The following TASOR variants were observed in gnomAD, a reference collection of about 807,000 sequenced individuals.
TASOR encodes the protein protein TASOR.
Under a neutral mutation model 178.6 loss-of-function variants are expected in TASOR, and 53 were observed. The ratio of observed to expected loss-of-function variants is 0.30; its 90% confidence interval spans 0.24 to 0.37. The LOEUF is 0.37. Among genes scored for constraint, TASOR ranks in the 10% least tolerant of loss-of-function variants. The pLI is 1.00. For missense variants in TASOR, 1,815 were observed against 1,971.4 expected, an observed-to-expected ratio of 0.92 and a Z score of 1.50; for synonymous variants, 713 against 696.2, an observed-to-expected ratio of 1.02 and a Z score of -0.38.
intron 5 of TASOR, 30 bp from the exon 6 acceptor site, chr3:56,668,588 A>T: frequency 7.0e-7 from 1 of 1,434,692 alleles, no homozygotes; most frequent in Non-Finnish European, 9.4e-7. Flanking sequence ...TTAAGTGTCT[A>T]CCTAAACCTA....
At position 56,623,377 on chromosome 3, in the gene TASOR, CTG is replaced by C. The variant is rs1306636880; in HGVS notation, c.4671_4672del (p.Asn1557LysfsTer6). On this transcript the variant is annotated frameshift_variant, in exon 24 of 24. Transcript: ENST00000683822. LOFTEE classifies it high-confidence loss of function. ...AAGGTAAGTCTTATCTTCTAATAAA[CTG>C]TTTTGCACATCAGGAGACGATTGCA... 1 of 1,613,510 alleles carries C rather than the reference CTG, an allele frequency of 6.2e-7. No individual in the cohort carries two copies. The highest frequency in any genetic ancestry group is 8.5e-7 in the Non-Finnish European group (1 of 1,179,934).
chr3:56,663,873 C>T, intron 7 of TASOR: 1 of 991,190 alleles, frequency 1.0e-6, no homozygotes, highest in Non-Finnish European at 1.2e-6. Context: ...AATTATTTTG[C>T]TGACATTAGA....
At chr3:56,666,226 A>G in intron 7 of TASOR, 34 bp downstream of exon 7, 1 of 1,485,276 alleles carries the variant, frequency 6.7e-7, no homozygotes, top group Non-Finnish European at 8.9e-7. Context: ...TAGAATTATC[A>G]CTGCGGATGA....
At chr3:56,676,216 C>T (rs2031283621) in intron 1 of TASOR, among the ~76,000 whole-genome samples, 1 of 152,118 alleles carries the variant, frequency 6.6e-6, no homozygotes, top group Admixed American at 6.6e-5. Context: ...AGTGCCAGCC[C>T]TAAATATATT....
At chr3:56,672,376 T>C (rs2030823920) in intron 2 of TASOR, among the ~76,000 whole-genome samples, 1 of 152,210 alleles carries the variant, frequency 6.6e-6, no homozygotes, top group Admixed American at 6.5e-5. Flanking sequence ...CAATTCAAAC[T>C]ACTAAGATTT....
intron 17 of TASOR, among the ~76,000 whole-genome samples, 188 bp downstream of exon 17, chr3:56,638,518 C>T (rs1207059300): frequency 6.6e-6 from 1 of 152,122 alleles, no homozygotes; most frequent in East Asian, 1.9e-4. Flanking sequence ...CTTATCTGAA[C>T]ACTCTTTATA....
At chr3:56,643,734 G>C (rs9834239) in intron 14 of TASOR, among the ~76,000 whole-genome samples, 1 of 144,568 alleles carries the variant, frequency 6.9e-6, no homozygotes, top group Non-Finnish European at 1.5e-5. Context: ...CAGCCTGGGC[G>C]ACAGAGCGAG....
chr3:56,641,038 TG>T (rs2077112128), intron 15 of TASOR, among the ~76,000 whole-genome samples: 1 of 152,202 alleles, frequency 6.6e-6, no homozygotes, highest in African/African-American at 2.4e-5. Flanking sequence ...AACTTCATTA[TG>T]AAACAATAAG....
chr3:56,656,947 T>A (rs113856602), intron 11 of TASOR, among the ~76,000 whole-genome samples: 1 of 147,690 alleles, frequency 6.8e-6, no homozygotes. Flanking sequence ...GAGGAGGAGG[T>A]TGCGGTGAGC....
At chr3:56,630,936 C>T (rs145945392) in intron 18 of TASOR, among the ~76,000 whole-genome samples, 6,617 of 33,074 alleles carry the variant, frequency 0.2, 227 homozygotes, top group Middle Eastern at 0.35. Flanking sequence ...GTGGGGGGTG[C>T]GGGGATGGAG....
intron 7 of TASOR, chr3:56,664,099 G>GT (rs1323708289): frequency 2.1e-5 from 3 of 142,580 alleles, no homozygotes; most frequent in Non-Finnish European, 4.4e-5. Flanking sequence ...GAGTATAGAG[G>GT]TAAAAAAAAA....
At chr3:56,636,876 A>C (rs1190006864) in intron 17 of TASOR, among the ~76,000 whole-genome samples, 1 of 152,130 alleles carries the variant, frequency 6.6e-6, no homozygotes, top group Non-Finnish European at 1.5e-5. Context: ...TCTGAAGCAT[A>C]AGAAAGATAA....
chr3:56,627,171 T>C, intron 20 of TASOR, 26 bp from the exon 21 acceptor site: 4 of 1,325,284 alleles, frequency 3.0e-6, no homozygotes, highest in Non-Finnish European at 4.3e-6. Context: ...AAGTTTGTTT[T>C]TAATTCAATA....
intron 3 of TASOR, chr3:56,671,267 A>G (rs534251004): frequency 1.5e-4 from 26 of 172,550 alleles, no homozygotes; most frequent in Non-Finnish European, 1.2e-4. Flanking sequence ...TGAACTCAGG[A>G]GACAGAGGTC....
chr3:56,673,494 T>A, intron 2 of TASOR, 86 bp downstream of exon 2: 1 of 1,031,666 alleles, frequency 9.7e-7, no homozygotes, highest in Non-Finnish European at 1.3e-6. Context: ...TTCCTAAAAA[T>A]TTTAGTATTT....
chr3:56,651,522 A>AC (rs1291028294), intron 11 of TASOR, among the ~76,000 whole-genome samples: 1 of 152,058 alleles, frequency 6.6e-6, no homozygotes, highest in Non-Finnish European at 1.5e-5. Context: ...ACACAGCAAG[A>AC]CCCCAACTCT....
At chr3:56,623,957 T>TTAG in intron 23 of TASOR, 5 of 793,998 alleles carry the variant, frequency 6.3e-6, no homozygotes, top group African/African-American at 1.8e-5. Context: ...GAATGATCAT[T>TTAG]TCTGCTTTTT....
intron 11 of TASOR, among the ~76,000 whole-genome samples, chr3:56,659,123 C>T (rs1277341998): frequency 6.6e-6 from 1 of 152,074 alleles, no homozygotes; most frequent in Admixed American, 6.5e-5. Flanking sequence ...ACTGATTAAG[C>T]ACATATATAT....
chr3:56,641,467 T>G lies in TASOR; in HGVS notation c.2501A>C (p.Glu834Ala), dbSNP rs1303003857. Residue 834 changes from glutamate to alanine, a missense_variant, in exon 15 of 24, where the codon GAA becomes GCA. Glu to Ala is a moderately radical substitution (Grantham distance 107). This residue lies in a region of TASOR where 655 missense variants were observed against 671.1 expected (regional missense o/e 0.98). Coordinates refer to ENST00000683822, the MANE Select transcript of TASOR (RefSeq NM_001365635.2). ...CTGAGTACCCTTAAACTGTGCATTT[T>G]CAACTTTTGCACAAGTAGGCTGCTC... ...DYEQPTCAKV[E>A]NAQFKGTQSL... The G allele has an allele frequency of 6.2e-7, 1 of 1,613,542 alleles. No homozygotes were observed. Among genetic ancestry groups the G allele is most frequent in the Non-Finnish European group, 8.5e-7 (1 of 1,179,426 alleles).
Sources: allele counts gnomAD v4.1 joint callset (sites outside exome capture counted in the v4.1 genomes callset), GRCh38; gene constraint gnomAD v4.1.1; regional missense constraint gnomAD v4.1.1; transcripts MANE v1.5; gene names NCBI Gene and HGNC (gene_info 2026-07-23, HGNC 2026-07-21).